Variants in PTPRD observed in about 807,000 individuals in gnomAD.
The protein encoded by PTPRD is receptor-type tyrosine-protein phosphatase delta.
PTPRD carries 34 observed loss-of-function variants against 214.5 expected under a neutral mutation model. The observed-to-expected ratio is 0.16, with a 90% confidence interval of 0.12 to 0.21. The LOEUF (loss-of-function observed/expected upper bound fraction) is 0.21, where lower values mean the gene tolerates loss of function less well. Among genes scored for constraint, PTPRD ranks in the 10% least tolerant of loss-of-function variants. The pLI, the probability that PTPRD is intolerant of heterozygous loss-of-function variation, is 1.00. For missense variants in PTPRD, 2,545 were observed against 2,398.7 expected (o/e 1.06, Z -1.27); for synonymous variants, 1,128 against 845.7 (o/e 1.33, Z -5.79).
intron 6 of PTPRD, among the ~76,000 whole-genome samples, chr9:9,761,729 T>G (rs1312167664): frequency 1.3e-5 from 2 of 152,078 alleles, no homozygotes; most frequent in African/African-American, 4.8e-5. Flanking sequence ...AAAATTTCGA[T>G]GAAATTAAAA....
chr9:9,463,878 C>T (rs1314799093), intron 8 of PTPRD, among the ~76,000 whole-genome samples: 1 of 152,046 alleles, frequency 6.6e-6, no homozygotes, highest in Non-Finnish European at 1.5e-5. Flanking sequence ...CATCAGGCCT[C>T]CCAAATAGTA....
intron 9 of PTPRD, among the ~76,000 whole-genome samples, chr9:9,238,897 T>A (rs1427114963): frequency 6.6e-6 from 1 of 152,146 alleles, no homozygotes; most frequent in African/African-American, 2.4e-5. Context: ...CTTCTTAATT[T>A]TATCCTAGGA....
intron 14 of PTPRD, among the ~76,000 whole-genome samples, chr9:8,553,025 A>T (rs371313294): frequency 6.6e-5 from 10 of 152,284 alleles, no homozygotes; most frequent in African/African-American, 1.9e-4. Flanking sequence ...AGACAGTATA[A>T]ATCACTTGAG....
At chr9:10,060,947 TC>T (rs1326053391) in intron 3 of PTPRD, among the ~76,000 whole-genome samples, 1 of 143,924 alleles carries the variant, frequency 6.9e-6, no homozygotes, top group Non-Finnish European at 1.5e-5. Context: ...TTTCTTTCTT[TC>T]TTTCTCTCTC....
intron 22 of PTPRD, among the ~76,000 whole-genome samples, chr9:8,504,775 TG>T (rs1268846012): frequency 6.6e-6 from 1 of 152,182 alleles, no homozygotes; most frequent in East Asian, 1.9e-4. Context: ...CACCTGCCCC[TG>T]GTAGTGGAAT....
At chr9:10,341,339 C>G (rs1399093877) in intron 2 of PTPRD, among the ~76,000 whole-genome samples, 1 of 151,882 alleles carries the variant, frequency 6.6e-6, no homozygotes, top group Admixed American at 6.6e-5. Context: ...GCCTTTGAAG[C>G]TCCAAGAATT....
chr9:10,172,626 A>G (rs144475800), intron 3 of PTPRD, among the ~76,000 whole-genome samples: 6 of 152,268 alleles, frequency 3.9e-5, no homozygotes, highest in African/African-American at 1.4e-4. Context: ...CTCTTCTTCA[A>G]CCTCATTTAA....
At chr9:9,608,184 A>T (rs941568919) in intron 7 of PTPRD, among the ~76,000 whole-genome samples, 26 of 152,062 alleles carry the variant, frequency 1.7e-4, no homozygotes, top group Admixed American at 9.2e-4. Context: ...ATCACCTCAT[A>T]TGAGGTACAC....
At chr9:10,608,764 G>GTTCATT (rs2080160264) in intron 2 of PTPRD, among the ~76,000 whole-genome samples, 1 of 152,000 alleles carries the variant, frequency 6.6e-6, no homozygotes, top group Non-Finnish European at 1.5e-5. Flanking sequence ...AACGGGTAAT[G>GTTCATT]TTCATTTTTT....
At chr9:10,444,566 T>C (rs2098785275) in intron 2 of PTPRD, among the ~76,000 whole-genome samples, 1 of 151,820 alleles carries the variant, frequency 6.6e-6, no homozygotes, top group Non-Finnish European at 1.5e-5. Flanking sequence ...AGAATGAATA[T>C]TCCACTAAAG....
At chr9:9,611,858 C>T (rs976909808) in intron 7 of PTPRD, among the ~76,000 whole-genome samples, 6 of 152,056 alleles carry the variant, frequency 3.9e-5, no homozygotes, top group African/African-American at 1.4e-4. Flanking sequence ...TAAAGCTATG[C>T]TCATTCTCTC....
intron 11 of PTPRD, among the ~76,000 whole-genome samples, chr9:8,874,930 C>T (rs2098366087): frequency 6.6e-6 from 1 of 152,076 alleles, no homozygotes; most frequent in Non-Finnish European, 1.5e-5. Flanking sequence ...AAATGAAGAA[C>T]ATTTTTCTGG....
chr9:9,333,166 T>A (rs1428720728), intron 9 of PTPRD, among the ~76,000 whole-genome samples: 1 of 151,812 alleles, frequency 6.6e-6, no homozygotes, highest in Non-Finnish European at 1.5e-5. Flanking sequence ...TTGAGAGAGA[T>A]AATATAGAAT....
intron 9 of PTPRD, among the ~76,000 whole-genome samples, chr9:9,220,791 C>T (rs375144571): frequency 1.1e-4 from 16 of 152,054 alleles, no homozygotes; most frequent in South Asian, 2.1e-4. Context: ...TTTGTCCCCA[C>T]GGCCATTTTG....
At chr9:9,450,500 C>A (rs1424357875) in intron 8 of PTPRD, among the ~76,000 whole-genome samples, 1 of 151,842 alleles carries the variant, frequency 6.6e-6, no homozygotes, top group Non-Finnish European at 1.5e-5. Flanking sequence ...TTTTGATTTG[C>A]ATTTCCCATA....
At chr9:8,341,642 A>G (rs1852585291) in intron 40 of PTPRD, 51 bp downstream of exon 40, 2 of 1,590,380 alleles carry the variant, frequency 1.3e-6, no homozygotes, top group Admixed American at 3.4e-5. Context: ...ACTCAAAGAC[A>G]AACCCAGAAT....
chr9:8,606,688 A>G (rs1385713028), intron 14 of PTPRD, among the ~76,000 whole-genome samples: 1 of 152,176 alleles, frequency 6.6e-6, no homozygotes, highest in Admixed American at 6.5e-5. Context: ...TCTGCACATG[A>G]AAACAATGCT....
At chr9:9,780,309 T>C (rs2098833141) in intron 5 of PTPRD, among the ~76,000 whole-genome samples, 1 of 152,184 alleles carries the variant, frequency 6.6e-6, no homozygotes, top group Non-Finnish European at 1.5e-5. Flanking sequence ...CTGGGTGCTG[T>C]GCTTACTACC....
intron 2 of PTPRD, among the ~76,000 whole-genome samples, chr9:10,363,236 G>C (rs150460181): frequency 2.6e-5 from 4 of 152,278 alleles, no homozygotes; most frequent in African/African-American, 9.6e-5. Context: ...ACATTTTTAA[G>C]AAGTTCCCAG....
Sources: gnomAD v4.1 joint callset for allele counts (sites outside exome capture counted in the v4.1 genomes callset) on GRCh38, gnomAD v4.1.1 for gene constraint, MANE v1.5 for transcripts, NCBI Gene and HGNC (gene_info 2026-07-23, HGNC 2026-07-21) for gene names.